LIMCH1: variants seen among roughly 807,000 people sequenced by gnomAD.
LIMCH1 encodes the protein LIM and calponin homology domains-containing protein 1.
Under a neutral mutation model 176.5 loss-of-function variants are expected in LIMCH1, and 113 were observed. That is an observed-to-expected ratio of 0.64 (90% CI 0.55 to 0.75). The LOEUF (loss-of-function observed/expected upper bound fraction) is 0.75, where lower values mean the gene tolerates loss of function less well. LIMCH1 is among the 30% of genes least tolerant of loss of function. LIMCH1 has a pLI of 0.00. For missense variants in LIMCH1, 1,674 were observed against 1,814.9 expected, an observed-to-expected ratio of 0.92 and a Z score of 1.41; for synonymous variants, 619 against 645.9, an observed-to-expected ratio of 0.96 and a Z score of 0.63.
At position 41,646,561 on chromosome 4, in the gene LIMCH1, C is replaced by G; in HGVS notation, c.2488C>G (p.Gln830Glu). ...GGAGGAGGCAGAGGGGATCCTTCAACAGTACATTGAGAGGTTCACCATCAG... is the reference window on the plus strand; with the variant it reads ...GGAGGAGGCAGAGGGGATCCTTCAAGAGTACATTGAGAGGTTCACCATCAG... ...SQEEAEGILQ[Q>E]YIERFTISEA... is the part of the protein sequence containing the mutation. The change falls in exon 17 of 32, where the codon CAG becomes GAG. Residue 830 changes from glutamine to glutamate, a missense_variant. Physicochemically the swap from Gln to Glu is conservative, Grantham distance 29 (BLOSUM62 2). Coordinates refer to ENST00000503057, the MANE Select transcript of LIMCH1 (RefSeq NM_001330672.2). 1 of 1,614,134 alleles carries G rather than the reference C, an allele frequency of 6.2e-7. No individual in the cohort carries two copies. Among genetic ancestry groups the G allele is most frequent in the Non-Finnish European group, 8.5e-7 (1 of 1,180,008 alleles).
intron 1 of LIMCH1, among the ~76,000 whole-genome samples, chr4:41,489,494 T>C (rs1474955306): frequency 6.6e-6 from 1 of 152,148 alleles, no homozygotes; most frequent in Non-Finnish European, 1.5e-5. Context: ...TCATATTCTT[T>C]CACTACAAAA....
intron 1 of LIMCH1, among the ~76,000 whole-genome samples, chr4:41,430,402 TACAGGCA>T (rs2061493903): frequency 6.6e-6 from 1 of 152,210 alleles, no homozygotes; most frequent in Non-Finnish European, 1.5e-5. Context: ...TAGCTGGGAC[TACAGGCA>T]CGTGCCACTA....
At chr4:41,582,132 A>G (rs2085597566) in intron 1 of LIMCH1, among the ~76,000 whole-genome samples, 1 of 152,254 alleles carries the variant, frequency 6.6e-6, no homozygotes. Flanking sequence ...GTAGTGTGCT[A>G]GCCATAGTGC....
At chr4:41,636,418 C>A (rs554685126) in intron 13 of LIMCH1, among the ~76,000 whole-genome samples, 36 of 148,816 alleles carry the variant, frequency 2.4e-4, no homozygotes, top group Middle Eastern at 3.5e-3. Context: ...TCACTTGACA[C>A]CTCAGCTCTA....
At chr4:41,540,194 G>A (rs1322740120) in intron 1 of LIMCH1, among the ~76,000 whole-genome samples, 2 of 152,110 alleles carry the variant, frequency 1.3e-5, no homozygotes, top group Non-Finnish European at 2.9e-5. Flanking sequence ...TTCATGAAGA[G>A]TAAATTAATT....
At chr4:41,519,890 T>C (rs1196211523) in intron 2 of LIMCH1, among the ~76,000 whole-genome samples, 1 of 152,156 alleles carries the variant, frequency 6.6e-6, no homozygotes. Context: ...TTTCAGTAAC[T>C]CATAGCTAAT....
chr4:41,632,235 GC>G (rs1333357371), intron 10 of LIMCH1, among the ~76,000 whole-genome samples: 1 of 152,184 alleles, frequency 6.6e-6, no homozygotes, highest in Admixed American at 6.5e-5. Context: ...CCTCTGTACA[GC>G]AGGAGCAAAG....
chr4:41,391,952 A>C (rs2057294586), intron 1 of LIMCH1, among the ~76,000 whole-genome samples: 1 of 152,164 alleles, frequency 6.6e-6, no homozygotes. Context: ...AGAACATATG[A>C]GAACTCTCTT....
At chr4:41,586,485 T>A (rs1244498728) in intron 1 of LIMCH1, among the ~76,000 whole-genome samples, 1 of 152,138 alleles carries the variant, frequency 6.6e-6, no homozygotes, top group Non-Finnish European at 1.5e-5. Flanking sequence ...CAGACCACAG[T>A]TTATCACTGC....
chr4:41,399,134 C>T lies in LIMCH1; in HGVS notation c.96+38198C>T, dbSNP rs1581536107. 2.6e-5 allele frequency among the ~76,000 whole-genome samples: 4 copies of T among 152,272 alleles called. 1 individual carries two copies. Among genetic ancestry groups the T allele is most frequent in the Admixed American group, 2.6e-4 (4 of 15,296 alleles). On this transcript the variant is annotated intron_variant, in intron 1 of 26. Transcript: ENST00000313860. ...GCCTGCTTAAAGGGGAAAGCAGAGG[C>T]ATGGGATGTTATTATAAAGTAAGGA...
intron 1 of LIMCH1, among the ~76,000 whole-genome samples, chr4:41,448,768 C>T (rs1057469971): frequency 3.9e-5 from 6 of 152,044 alleles, no homozygotes; most frequent in East Asian, 1.9e-4. Flanking sequence ...GTAGCGTCAG[C>T]GGACACCTCG....
At chr4:41,660,955 G>T (rs535836036) in intron 18 of LIMCH1, among the ~76,000 whole-genome samples, 5 of 152,138 alleles carry the variant, frequency 3.3e-5, no homozygotes, top group Non-Finnish European at 5.9e-5. Flanking sequence ...AGATTCACTG[G>T]GAGCCCAGGA....
chr4:41,409,352 C>T (rs1361403290), intron 1 of LIMCH1, among the ~76,000 whole-genome samples: 1 of 152,086 alleles, frequency 6.6e-6, no homozygotes, highest in Non-Finnish European at 1.5e-5. Flanking sequence ...TTTATTGGGG[C>T]TCTTCTAGGC....
At chr4:41,557,104 A>G (rs941743607) in intron 1 of LIMCH1, among the ~76,000 whole-genome samples, 1 of 152,168 alleles carries the variant, frequency 6.6e-6, no homozygotes, top group Admixed American at 6.5e-5. Context: ...TTGCTTGACA[A>G]TCTTGACACA....
chr4:41,547,422 T>C (rs1328814283), intron 1 of LIMCH1, among the ~76,000 whole-genome samples: 1 of 152,010 alleles, frequency 6.6e-6, no homozygotes, highest in Non-Finnish European at 1.5e-5. Flanking sequence ...TCTGTCTTCC[T>C]GTGCTTTTTA....
chr4:41,617,246 G>C (rs193124068), intron 5 of LIMCH1, among the ~76,000 whole-genome samples: 1 of 152,076 alleles, frequency 6.6e-6, no homozygotes, highest in African/African-American at 2.4e-5. Flanking sequence ...AGCACTTCTC[G>C]TAGTCAGAAC....
intron 4 of LIMCH1, among the ~76,000 whole-genome samples, chr4:41,610,949 T>G (rs2091342578): frequency 6.6e-6 from 1 of 152,194 alleles, no homozygotes; most frequent in African/African-American, 2.4e-5. Flanking sequence ...AATCCAAAAC[T>G]TTTGAGCAAA....
chr4:41,684,925 T>C (rs1309826069), intron 27 of LIMCH1, among the ~76,000 whole-genome samples: 1 of 152,074 alleles, frequency 6.6e-6, no homozygotes, highest in Non-Finnish European at 1.5e-5. Flanking sequence ...TCGGTTCCCA[T>C]TGCCATTTCA....
chr4:41,486,745 G>A (rs536408177), intron 1 of LIMCH1, among the ~76,000 whole-genome samples: 2 of 152,006 alleles, frequency 1.3e-5, no homozygotes, highest in East Asian at 3.9e-4. Flanking sequence ...GAGGGGATGG[G>A]AGCACTAAGA....
Sources: allele counts gnomAD v4.1 joint callset (sites outside exome capture counted in the v4.1 genomes callset), GRCh38; gene constraint gnomAD v4.1.1; transcripts MANE v1.5; gene names NCBI Gene and HGNC (gene_info 2026-07-23, HGNC 2026-07-21).